Variants in PTPRM observed in about 807,000 individuals in gnomAD.
The protein encoded by PTPRM is receptor-type tyrosine-protein phosphatase mu.
PTPRM carries 47 observed loss-of-function variants against 186.7 expected under a neutral mutation model. The ratio of observed to expected loss-of-function variants is 0.25; its 90% confidence interval spans 0.20 to 0.32. The LOEUF (loss-of-function observed/expected upper bound fraction) is 0.32. Among genes scored for constraint, PTPRM ranks in the 10% least tolerant of loss-of-function variants. The pLI is 1.00. For synonymous variants in PTPRM, 668 were observed against 674.9 expected (o/e 0.99, Z 0.16); for missense variants, 1,494 against 1,865.0 (o/e 0.80, Z 3.66).
intron 1 of PTPRM, among the ~76,000 whole-genome samples, chr18:7,684,794 C>G (rs1278115203): frequency 6.6e-6 from 1 of 152,078 alleles, no homozygotes; most frequent in Non-Finnish European, 1.5e-5. Flanking sequence ...GTTAATAGTC[C>G]TGAAATAAAT....
At chr18:8,329,016 T>C (rs1405425068) in intron 22 of PTPRM, among the ~76,000 whole-genome samples, 1 of 152,242 alleles carries the variant, frequency 6.6e-6, no homozygotes, top group Non-Finnish European at 1.5e-5. Flanking sequence ...TATGTTGTTA[T>C]AGATGCCATA....
chr18:7,802,162 C>G (rs963407044), intron 2 of PTPRM, among the ~76,000 whole-genome samples: 2 of 152,132 alleles, frequency 1.3e-5, no homozygotes. Context: ...GCTTCACTTG[C>G]CACTTGTTTC....
At chr18:7,604,816 G>A (rs1408959478) in intron 1 of PTPRM, among the ~76,000 whole-genome samples, 1 of 152,166 alleles carries the variant, frequency 6.6e-6, no homozygotes, top group Admixed American at 6.5e-5. Flanking sequence ...AGCCAGCAAA[G>A]GTGTACTTCA....
intron 1 of PTPRM, among the ~76,000 whole-genome samples, chr18:7,726,059 G>A (rs1216666502): frequency 6.6e-6 from 1 of 152,104 alleles, no homozygotes; most frequent in African/African-American, 2.4e-5. Flanking sequence ...AAAAGCGCTC[G>A]CCCCAGCTCC....
chr18:8,242,084 C>T (rs1601431518), intron 14 of PTPRM, among the ~76,000 whole-genome samples: 2 of 152,110 alleles, frequency 1.3e-5, no homozygotes, highest in African/African-American at 4.8e-5. Flanking sequence ...AAGCACAGTA[C>T]CTGTCATTTC....
rs56724615 is a variant in PTPRM, at chr18:7,884,924, C to CAAAAAAAAAAAA, written c.197-3166_197-3155dup. Among the ~76,000 whole-genome samples, 97 of 37,826 alleles carry CAAAAAAAAAAAA rather than the reference C, an allele frequency of 2.6e-3. 2 individuals carry two copies. The highest frequency in any genetic ancestry group is 3.5e-3 in the Non-Finnish European group (73 of 21,000). 24.8% of individuals were successfully genotyped at this position (37,826 alleles called of 152,430 possible). ...GGGCGACGAGAGCAAAGCTCCATCT[C>CAAAAAAAAAAAA]AAAAAAAAAAAAAAAAAAAAAAAAA... On this transcript the variant is annotated intron_variant, in intron 2 of 32. Coordinates refer to ENST00000580170, the MANE Select transcript of PTPRM (RefSeq NM_001105244.2).
intron 6 of PTPRM, among the ~76,000 whole-genome samples, chr18:7,951,269 A>G (rs989976732): frequency 6.6e-6 from 1 of 152,156 alleles, no homozygotes; most frequent in African/African-American, 2.4e-5. Flanking sequence ...GTCATTTTAG[A>G]GTTCATCATT....
intron 5 of PTPRM, among the ~76,000 whole-genome samples, chr18:7,943,821 C>T (rs1320658508): frequency 4.6e-5 from 7 of 152,154 alleles, no homozygotes; most frequent in Admixed American, 6.5e-5. Context: ...TTTGGCCAAC[C>T]CAGATAATCC....
At chr18:7,713,699 A>C (rs1222057641) in intron 1 of PTPRM, among the ~76,000 whole-genome samples, 2 of 34,140 alleles carry the variant, frequency 5.9e-5, no homozygotes, top group African/African-American at 1.7e-4. Context: ...ATGGAAAGCA[A>C]AAAAAAAAAA....
chr18:8,048,920 TGGGTAAAATATCAGTTCC>T (rs1027960063), intron 7 of PTPRM, among the ~76,000 whole-genome samples: 11 of 152,228 alleles, frequency 7.2e-5, no homozygotes, highest in African/African-American at 2.4e-4. Context: ...TCTTTTGCCC[TGGGTAAAATATCAGTTCC>T]GGGTAAAATA....
intron 1 of PTPRM, among the ~76,000 whole-genome samples, chr18:7,607,428 GA>G (rs11297677): frequency 0.97 from 148,170 of 152,206 alleles, 72,139 homozygotes; most frequent in East Asian, 1. Context: ...TACTTAAGGA[GA>G]GGAGGCAGCT....
In PTPRM at chr18:7,648,102, C is replaced by T. The variant is rs143235542; in HGVS notation, c.73+80211C>T. Reference sequence around the variant, plus strand: ...TTCTTTTTCAGATTTTGATAATTCTCACAGTATTTTAAACTTTTTCATTAG... The same window carrying T: ...TTCTTTTTCAGATTTTGATAATTCTTACAGTATTTTAAACTTTTTCATTAG... On this transcript the variant is annotated intron_variant, in intron 1 of 32. Coordinates refer to ENST00000580170, the MANE Select transcript of PTPRM (RefSeq NM_001105244.2). 3.8e-3 allele frequency among the ~76,000 whole-genome samples: 577 copies of T among 152,218 alleles called. 2 individuals carry two copies. The highest frequency in any genetic ancestry group is 5.1e-3 in the Non-Finnish European group (349 of 68,016).
chr18:7,760,834 T>G (rs1489490252), intron 1 of PTPRM, among the ~76,000 whole-genome samples: 1 of 152,144 alleles, frequency 6.6e-6, no homozygotes, highest in Non-Finnish European at 1.5e-5. Flanking sequence ...TCACCTATGC[T>G]CCTTCTGGTG....
At chr18:7,987,286 C>T (rs565382198) in intron 7 of PTPRM, among the ~76,000 whole-genome samples, 1 of 152,334 alleles carries the variant, frequency 6.6e-6, no homozygotes, top group South Asian at 2.1e-4. Flanking sequence ...ATTATTCTTA[C>T]AGTCAGAGGA....
intron 3 of PTPRM, among the ~76,000 whole-genome samples, chr18:7,895,055 C>T (rs1346426073): frequency 6.6e-6 from 1 of 152,082 alleles, no homozygotes; most frequent in Non-Finnish European, 1.5e-5. Context: ...TGCACATGGG[C>T]AGCATCAGAG....
At chr18:8,326,959 C>G (rs1202209379) in intron 22 of PTPRM, among the ~76,000 whole-genome samples, 4 of 152,066 alleles carry the variant, frequency 2.6e-5, no homozygotes, top group Non-Finnish European at 4.4e-5. Flanking sequence ...TTTTGCTGAC[C>G]TTGAAAATAT....
chr18:8,393,262 G>A (rs1275838505), intron 31 of PTPRM, among the ~76,000 whole-genome samples: 3 of 152,208 alleles, frequency 2.0e-5, no homozygotes, highest in East Asian at 1.9e-4. Context: ...TTTTCTTACC[G>A]AAATGCACGG....
intron 13 of PTPRM, among the ~76,000 whole-genome samples, chr18:8,143,309 T>C (rs2092806031): frequency 6.6e-6 from 1 of 152,140 alleles, no homozygotes; most frequent in South Asian, 2.1e-4. Flanking sequence ...TATTGTGCTG[T>C]TAGTAAGTTT....
chr18:8,221,794 G>C (rs2094156036), intron 14 of PTPRM, among the ~76,000 whole-genome samples: 1 of 152,174 alleles, frequency 6.6e-6, no homozygotes, highest in Non-Finnish European at 1.5e-5. Flanking sequence ...TTGGCCTACA[G>C]ATTTCCCTGT....
Sources: gnomAD v4.1 joint callset for allele counts (sites outside exome capture counted in the v4.1 genomes callset) on GRCh38, gnomAD v4.1.1 for gene constraint, MANE v1.5 for transcripts, NCBI Gene and HGNC (gene_info 2026-07-23, HGNC 2026-07-21) for gene names.